LRP8: variants seen among roughly 807,000 people sequenced by gnomAD.
LRP8 encodes LDL receptor related protein 8, also known as low-density lipoprotein receptor-related protein 8.
LRP8 carries 46 observed loss-of-function variants against 111.6 expected under a neutral mutation model. The observed-to-expected ratio is 0.41, with a 90% CI of 0.33 to 0.53. The LOEUF is 0.53. Ranked by LOEUF, LRP8 falls within the 20% of genes least tolerant of loss-of-function variation. LRP8 has a pLI of 0.20. For synonymous variants in LRP8, 464 were observed against 511.2 expected (o/e 0.91, Z 1.24); for missense variants, 959 against 1,297.4 (o/e 0.74, Z 4.01).
At position 53,249,496 on chromosome 1, in the gene LRP8, G is replaced by A. The variant is rs746523976; in HGVS notation, c.2737C>T (p.Pro913Ser). ...TTGAGGGCAGGGGCTGGGTCTTCCG[G>A]TTCTCTGGTCTCCCCAAGACAGGGC... ...AEPCLGETRE[P>S]EDPAPALKEL... is the part of the protein sequence containing the mutation. Residue 913 changes from proline to serine, a missense_variant, in exon 18 of 19, where the codon CCG becomes TCG. Pro to Ser is a moderately conservative substitution (Grantham distance 74). Coordinates refer to ENST00000306052, the MANE Select transcript of LRP8 (RefSeq NM_004631.5). This position sits in a 1 kb window ranked among gnomAD's most constrained non-coding sequence, Gnocchi z 4.1. 5.6e-6 allele frequency: 9 copies of A among 1,613,488 alleles called. No individual in the cohort carries two copies. The East Asian group carries it at 6.7e-5, about 12-fold the overall frequency.
At chr1:53,271,993 C>A (rs896591015) in intron 6 of LRP8, among the ~76,000 whole-genome samples, 3 of 151,988 alleles carry the variant, frequency 2.0e-5, no homozygotes, top group African/African-American at 7.3e-5. Context: ...TCCATCTGTC[C>A]ATGTCCCTGT....
At chr1:53,299,993 C>T (rs1650497979) in intron 2 of LRP8, among the ~76,000 whole-genome samples, 2 of 152,276 alleles carry the variant, frequency 1.3e-5, no homozygotes, top group African/African-American at 4.8e-5. Flanking sequence ...ACTCCTGTGG[C>T]TCCAGGGGCT....
chr1:53,300,454 G>C (rs1025561106), intron 2 of LRP8, among the ~76,000 whole-genome samples: 1 of 152,214 alleles, frequency 6.6e-6, no homozygotes, highest in African/African-American at 2.4e-5. Flanking sequence ...TAGCAAGCTC[G>C]AGTCTCCATG....
chr1:53,326,201 C>T (rs17108330), intron 2 of LRP8, among the ~76,000 whole-genome samples: 3 of 152,224 alleles, frequency 2.0e-5, no homozygotes, highest in Admixed American at 2.0e-4. Flanking sequence ...AAGGTCTTCA[C>T]TGTGACTCGG....
intron 8 of LRP8, chr1:53,267,848 AC>A (rs1000425760): frequency 3.3e-5 from 5 of 152,226 alleles, no homozygotes; most frequent in African/African-American, 1.2e-4. Context: ...ACTCTCAGGC[AC>A]CAACACTGTC....
intron 2 of LRP8, among the ~76,000 whole-genome samples, chr1:53,322,538 G>A (rs559568071): frequency 1.6e-4 from 24 of 152,294 alleles, no homozygotes; most frequent in Admixed American, 1.0e-3. Context: ...AGGAAGAGGC[G>A]GGAAGAGGTT....
intron 2 of LRP8, among the ~76,000 whole-genome samples, chr1:53,299,429 A>G (rs1419872476): frequency 6.6e-6 from 1 of 152,190 alleles, no homozygotes; most frequent in African/African-American, 2.4e-5. Flanking sequence ...CATCCCGGTG[A>G]TAAATGGGCA....
intron 13 of LRP8, among the ~76,000 whole-genome samples, chr1:53,259,608 G>T (rs1646252151): frequency 6.6e-6 from 1 of 151,544 alleles, no homozygotes; most frequent in Non-Finnish European, 1.5e-5. Context: ...AGAGGTAGGG[G>T]TCTTGCTCTG....
In LRP8 at chr1:53,262,618, G is replaced by T. The variant is rs1412805272; in HGVS notation, c.1656-54C>A. ...TCTTGCTGGGGACATGACCGGGGTG[G>T]TCTGAGTCACAAGAGCTCAATAACC... On this transcript the variant is annotated intron_variant, in intron 10 of 18. Coordinates refer to ENST00000306052, the MANE Select transcript of LRP8 (RefSeq NM_004631.5). The surrounding 1 kb of genome is among the most constrained non-coding windows in gnomAD (Gnocchi z 4.8). 5 of 1,423,372 alleles carry T rather than the reference G, an allele frequency of 3.5e-6. No individual in the cohort carries two copies. The Admixed American group carries it at 5.0e-5, about 14-fold the overall frequency. 88.2% of individuals were successfully genotyped at this position (1,423,372 alleles called of 1,614,324 possible).
At chr1:53,287,544 C>T (rs917742917) in intron 3 of LRP8, among the ~76,000 whole-genome samples, 1 of 152,194 alleles carries the variant, frequency 6.6e-6, no homozygotes, top group South Asian at 2.1e-4. Flanking sequence ...GAGAGCTGGG[C>T]TTCTGTCTCC....
At chr1:53,302,450 C>T (rs1239912178) in intron 2 of LRP8, among the ~76,000 whole-genome samples, 1 of 152,138 alleles carries the variant, frequency 6.6e-6, no homozygotes, top group Non-Finnish European at 1.5e-5. Flanking sequence ...CCTTGTTTTA[C>T]AGCCGGGGCA....
intron 2 of LRP8, among the ~76,000 whole-genome samples, chr1:53,324,550 A>G (rs1004233185): frequency 2.2e-4 from 33 of 152,108 alleles, no homozygotes; most frequent in Admixed American, 1.0e-3. Context: ...TGTGATTACT[A>G]CTTGGTACTA....
intron 8 of LRP8, 146 bp downstream of exon 8, chr1:53,270,882 A>C (rs777945357): frequency 4.3e-4 from 495 of 1,153,366 alleles, no homozygotes; most frequent in Non-Finnish European, 5.9e-4. Flanking sequence ...AAGCTAGACA[A>C]GGGACCGAGG....
intron 2 of LRP8, among the ~76,000 whole-genome samples, chr1:53,314,658 A>G (rs934707175): frequency 1.3e-5 from 2 of 152,118 alleles, no homozygotes; most frequent in Non-Finnish European, 2.9e-5. Context: ...AGGGGCGGGG[A>G]GCTGCTTCGT....
chr1:53,296,967 T>TG (rs1293253988), intron 2 of LRP8, among the ~76,000 whole-genome samples: 1 of 152,136 alleles, frequency 6.6e-6, no homozygotes, highest in Admixed American at 6.5e-5. Flanking sequence ...GAAGTGGTGG[T>TG]GGGGGTGATG....
At chr1:53,273,949 C>G (rs1027131299) in intron 6 of LRP8, among the ~76,000 whole-genome samples, 2 of 149,536 alleles carry the variant, frequency 1.3e-5, no homozygotes, top group African/African-American at 4.9e-5. Flanking sequence ...CCCTCAAGCC[C>G]TAACCTGGGA....
intron 6 of LRP8, among the ~76,000 whole-genome samples, chr1:53,272,434 C>T (rs577206174): frequency 2.6e-5 from 4 of 152,176 alleles, no homozygotes; most frequent in Non-Finnish European, 5.9e-5. Flanking sequence ...CCCTCTCCCC[C>T]TCTGCCCCCC....
At chr1:53,323,165 G>A (rs79884008) in intron 2 of LRP8, among the ~76,000 whole-genome samples, 2,023 of 152,276 alleles carry the variant, frequency 0.013, 55 homozygotes, top group African/African-American at 0.046. Flanking sequence ...TCACCAGCCA[G>A]TACTTGAGAC....
chr1:53,281,989 T>C lies in LRP8; in HGVS notation c.368-1274A>G, dbSNP rs79084885. Among the ~76,000 whole-genome samples the C allele has an allele frequency of 3.7e-3, 565 of 152,336 alleles. 4 individuals carry two copies. The highest frequency in any genetic ancestry group is 0.013 in the African/African-American group (545 of 41,574). ...GTGTTAGGATTGACTGAAAGTCAGC[T>C]GTGTCTGATGCCGGAGACTCAGCAC... On this transcript the variant is annotated intron_variant, in intron 3 of 18. Transcript: ENST00000306052.
Sources: gnomAD v4.1 joint callset for allele counts (sites outside exome capture counted in the v4.1 genomes callset) on GRCh38, gnomAD v4.1.1 for gene constraint, Gnocchi (gnomAD v3.1) non-coding constraint, MANE v1.5 for transcripts, NCBI Gene and HGNC (gene_info 2026-07-23, HGNC 2026-07-21) for gene names.